The following CSMD1 variants were observed in gnomAD, a reference collection of about 807,000 sequenced individuals.
CSMD1 encodes the protein CUB and Sushi multiple domains 1.
In CSMD1, 213 loss-of-function variants were observed where a neutral mutation model predicts 417.5. The observed-to-expected ratio is 0.51, with a 90% confidence interval of 0.46 to 0.57. The LOEUF is 0.57. CSMD1 is among the 20% of genes least tolerant of loss of function. CSMD1 has a pLI of 0.00. For synonymous variants in CSMD1, 2,862 were observed against 1,736.8 expected (o/e 1.65, Z -16.11); for missense variants, 6,923 against 4,529.7 (o/e 1.53, Z -15.17).
intron 3 of CSMD1, among the ~76,000 whole-genome samples, chr8:4,322,348 G>GGA (rs1200250768): frequency 2.6e-5 from 4 of 152,044 alleles, no homozygotes; most frequent in African/African-American, 9.7e-5. Flanking sequence ...TCTGAGCACT[G>GGA]GAGAGAGTTT....
intron 5 of CSMD1, among the ~76,000 whole-genome samples, chr8:3,916,854 G>C (rs1232548089): frequency 6.6e-6 from 1 of 151,732 alleles, no homozygotes; most frequent in Non-Finnish European, 1.5e-5. Context: ...AGAGAGATAA[G>C]GACTTGCACC....
intron 1 of CSMD1, among the ~76,000 whole-genome samples, chr8:4,964,502 C>CAAAAA (rs10622416): frequency 1.9e-4 from 20 of 105,954 alleles, no homozygotes; most frequent in African/African-American, 6.8e-4. Context: ...ACCCTGTCTC[C>CAAAAA]AAAAAAAAAA....
intron 3 of CSMD1, among the ~76,000 whole-genome samples, chr8:4,224,278 A>G (rs1000847450): frequency 2.0e-5 from 3 of 152,164 alleles, no homozygotes; most frequent in Non-Finnish European, 2.9e-5. Flanking sequence ...TTTTTCCATA[A>G]TTGTGGTAAA....
At chr8:4,964,062 G>C (rs561146351) in intron 1 of CSMD1, among the ~76,000 whole-genome samples, 1 of 152,220 alleles carries the variant, frequency 6.6e-6, no homozygotes, top group South Asian at 2.1e-4. Flanking sequence ...AATCTGGCAA[G>C]ACATATCTGG....
intron 46 of CSMD1, among the ~76,000 whole-genome samples, chr8:3,102,518 T>C (rs949636807): frequency 2.6e-5 from 4 of 151,636 alleles, no homozygotes; most frequent in Non-Finnish European, 5.9e-5. Context: ...TGAGGAAATT[T>C]AGAGAATAAC....
intron 9 of CSMD1, among the ~76,000 whole-genome samples, chr8:3,580,801 A>G (rs1800349664): frequency 6.6e-6 from 1 of 152,236 alleles, no homozygotes; most frequent in Non-Finnish European, 1.5e-5. Flanking sequence ...AAGAAGAGTC[A>G]TCTTTCGGGG....
chr8:4,165,257 T>G (rs56882404), intron 3 of CSMD1, among the ~76,000 whole-genome samples: 1 of 152,202 alleles, frequency 6.6e-6, no homozygotes, highest in African/African-American at 2.4e-5. Context: ...TGGAGGTCTG[T>G]TGCAGCGAAA....
intron 1 of CSMD1, among the ~76,000 whole-genome samples, chr8:4,875,728 T>G (rs1803003533): frequency 6.6e-6 from 1 of 152,046 alleles, no homozygotes. Flanking sequence ...CTAACAAATA[T>G]GTATATAGGT....
Position 4,095,298 on chromosome 8 carries a change from T to C in CSMD1, c.416-63199A>G, listed in dbSNP as rs552769562. On this transcript the variant is annotated intron_variant, in intron 3 of 69. Transcript: ENST00000635120. ...TAAAATGTGTAACCTTTAATATCAA[T>C]TCTGTTATTACCTGATATAACATTT... 1.1e-4 allele frequency among the ~76,000 whole-genome samples: 17 copies of C among 152,352 alleles called. 1 individual carries two copies. In the South Asian group the frequency reaches 3.1e-3, roughly 28 times the overall value.
chr8:3,099,313 T>C (rs1215973199), intron 46 of CSMD1, among the ~76,000 whole-genome samples: 1 of 152,126 alleles, frequency 6.6e-6, no homozygotes, highest in East Asian at 1.9e-4. Context: ...AGATAATATA[T>C]GGCAAAGTTA....
intron 3 of CSMD1, among the ~76,000 whole-genome samples, chr8:4,150,888 C>T (rs1338753595): frequency 1.9e-3 from 5 of 2,650 alleles, no homozygotes; most frequent in East Asian, 0.033. Context: ...CTGAGAAACG[C>T]CTGAGAAAGA....
chr8:3,650,571 A>C (rs903798833), intron 7 of CSMD1, among the ~76,000 whole-genome samples: 16 of 152,164 alleles, frequency 1.1e-4, no homozygotes, highest in African/African-American at 3.9e-4. Flanking sequence ...CAGATTGTAT[A>C]CTGCTAGTTA....
chr8:2,986,380 G>A (rs1029702976), intron 54 of CSMD1, among the ~76,000 whole-genome samples: 9 of 152,152 alleles, frequency 5.9e-5, no homozygotes, highest in Non-Finnish European at 1.2e-4. Context: ...TGTAAGACCT[G>A]CAGCTAGGAC....
At chr8:4,514,496 G>T (rs150157588) in intron 2 of CSMD1, among the ~76,000 whole-genome samples, 1 of 152,076 alleles carries the variant, frequency 6.6e-6, no homozygotes, top group Non-Finnish European at 1.5e-5. Context: ...CGCACACATG[G>T]GAATCAACGA....
intron 6 of CSMD1, among the ~76,000 whole-genome samples, chr8:3,742,228 T>G (rs1178274409): frequency 6.6e-6 from 1 of 152,176 alleles, no homozygotes; most frequent in Non-Finnish European, 1.5e-5. Context: ...GTTCTGTAGA[T>G]AGATTTAATT....
chr8:4,027,616 T>A (rs182208561), intron 4 of CSMD1, among the ~76,000 whole-genome samples: 109 of 152,292 alleles, frequency 7.2e-4, no homozygotes, highest in Non-Finnish European at 1.3e-3. Flanking sequence ...GTGAGTGAAT[T>A]AACCTCTTTT....
At chr8:3,793,707 T>C (rs896640600) in intron 5 of CSMD1, among the ~76,000 whole-genome samples, 5 of 152,244 alleles carry the variant, frequency 3.3e-5, no homozygotes, top group Middle Eastern at 6.8e-3. Flanking sequence ...AGTTAATATG[T>C]TTATTTGTGG....
intron 1 of CSMD1, among the ~76,000 whole-genome samples, chr8:4,839,824 C>A (rs1197491746): frequency 6.6e-6 from 1 of 152,186 alleles, no homozygotes; most frequent in Non-Finnish European, 1.5e-5. Context: ...TAAAAATCAT[C>A]TTAGTAAAGT....
intron 5 of CSMD1, among the ~76,000 whole-genome samples, chr8:3,898,970 G>C (rs1327533628): frequency 1.3e-5 from 2 of 152,002 alleles, no homozygotes; most frequent in Non-Finnish European, 2.9e-5. Context: ...AAAACAAATG[G>C]GACCATACAG....
Sources: gnomAD v4.1 joint callset for allele counts (sites outside exome capture counted in the v4.1 genomes callset) on GRCh38, gnomAD v4.1.1 for gene constraint, MANE v1.5 for transcripts, NCBI Gene and HGNC (gene_info 2026-07-23, HGNC 2026-07-21) for gene names.